The following SCYL2 variants were observed in gnomAD, a reference collection of about 807,000 sequenced individuals.
SCYL2 encodes the protein SCY1 like pseudokinase 2.
Under a neutral mutation model 100.4 loss-of-function variants are expected in SCYL2, and 36 were observed. The ratio of observed to expected loss-of-function variants is 0.36; its 90% CI spans 0.27 to 0.47. The LOEUF is 0.47. Ranked by LOEUF, SCYL2 falls within the 20% of genes least tolerant of loss-of-function variation. SCYL2 has a pLI of 1.00. For synonymous variants in SCYL2, 330 were observed against 359.2 expected (o/e 0.92, Z 0.92); for missense variants, 902 against 1,083.9 (o/e 0.83, Z 2.36).
In SCYL2 at chr12:100,309,106, T is replaced by TTGTGTGTGTG. The variant is rs143410251; in HGVS notation, c.481-1919_481-1910dup. Among the ~76,000 whole-genome samples, 771 of 148,158 alleles carry TTGTGTGTGTG rather than the reference T, an allele frequency of 5.2e-3. 6 individuals are homozygous for TTGTGTGTGTG. Among genetic ancestry groups the TTGTGTGTGTG allele is most frequent in the African/African-American group, 0.017 (678 of 40,318 alleles). ...TCACCTGATTTTTGGGTATTTTGATTTGTGTGTGTGTGTGTGTGTGTGTGT... is the reference window on the plus strand; with the variant it reads ...TCACCTGATTTTTGGGTATTTTGATTTGTGTGTGTGTGTGTGTGTGTGTGTGTGTGTGTGT... On this transcript the variant is annotated intron_variant, in intron 4 of 17. Transcript: ENST00000360820.
intron 13 of SCYL2, among the ~76,000 whole-genome samples, chr12:100,332,236 G>A (rs1463524400): frequency 6.6e-6 from 1 of 152,158 alleles, no homozygotes; most frequent in Non-Finnish European, 1.5e-5. Flanking sequence ...TTTCAATGAG[G>A]TCTGATCAAG....
intron 14 of SCYL2, 21 bp from the exon 15 acceptor site, chr12:100,335,604 C>T: frequency 6.6e-7 from 1 of 1,526,538 alleles, no homozygotes; most frequent in East Asian, 2.3e-5. Flanking sequence ...ATTGTTTTAT[C>T]ATAATTCAAC....
In SCYL2 at chr12:100,341,200, A is replaced by T. The variant is rs1239300154; in HGVS notation, c.*2028A>T. On this transcript the variant is annotated 3_prime_UTR_variant, in exon 18 of 18. Transcript: ENST00000360820. The stretch of plus-strand genomic sequence containing the variant: ...TTTCTACTTCAGGTATTTTATTTCA[A>T]CCATTTCCATCAATTGAACTGTTAC... 3 of 152,070 alleles carry T rather than the reference A, an allele frequency of 2.0e-5. No homozygotes were observed. The highest frequency in any genetic ancestry group is 6.5e-5 in the Admixed American group (1 of 15,272). 9.4% of individuals were successfully genotyped at this position (152,070 alleles called of 1,614,324 possible).
At chr12:100,331,624 G>A (rs899515910) in intron 13 of SCYL2, among the ~76,000 whole-genome samples, 2 of 151,378 alleles carry the variant, frequency 1.3e-5, no homozygotes, top group African/African-American at 4.8e-5. Flanking sequence ...TGTTTGAAAT[G>A]TTGTGTTAAT....
At chr12:100,319,409 A>G (rs2096353088) in intron 10 of SCYL2, 5 of 331,346 alleles carry the variant, frequency 1.5e-5, no homozygotes, top group African/African-American at 1.1e-4. Context: ...AAGAAGAGGG[A>G]GGGGAAGATT....
intron 10 of SCYL2, 56 bp downstream of exon 10, chr12:100,317,981 A>C: frequency 6.8e-7 from 1 of 1,473,264 alleles, no homozygotes. Flanking sequence ...AAAGCAGAAG[A>C]AGAGGTATAA....
intron 9 of SCYL2, 113 bp from the exon 10 acceptor site, chr12:100,317,690 A>G (rs1223035307): frequency 1.4e-6 from 2 of 1,430,802 alleles, no homozygotes; most frequent in Non-Finnish European, 1.8e-6. Context: ...GGCTAGCAAC[A>G]TGGTGAGTGT....
chr12:100,339,241 A>G lies in SCYL2; in HGVS notation c.*69A>G, dbSNP rs1952323160. On this transcript the variant is annotated 3_prime_UTR_variant, in exon 18 of 18. Coordinates refer to ENST00000360820, the MANE Select transcript of SCYL2 (RefSeq NM_017988.6). Reference sequence around the variant, plus strand: ...TGGGTGAGCTGATTTACATCTTTATATAGTTGGCTTGGAGGAAGTACTTCT... The same window carrying G: ...TGGGTGAGCTGATTTACATCTTTATGTAGTTGGCTTGGAGGAAGTACTTCT... 1.4e-6 allele frequency: 2 copies of G among 1,477,352 alleles called. No individual in the cohort carries two copies. Among genetic ancestry groups the G allele is most frequent in the Non-Finnish European group, 1.8e-6 (2 of 1,092,810 alleles). 91.5% of individuals were successfully genotyped at this position (1,477,352 alleles called of 1,614,324 possible). A position where few individuals can be genotyped will look rare whatever the true frequency, so the allele number is the denominator to read the frequency against.
At chr12:100,287,516 A>G (rs1286955690) in intron 2 of SCYL2, among the ~76,000 whole-genome samples, 1 of 152,194 alleles carries the variant, frequency 6.6e-6, no homozygotes. Flanking sequence ...CATACACTGT[A>G]TTGTGACAAA....
At chr12:100,298,586 G>C (rs1566354244) in intron 4 of SCYL2, among the ~76,000 whole-genome samples, 2 of 152,066 alleles carry the variant, frequency 1.3e-5, no homozygotes, top group Non-Finnish European at 2.9e-5. Flanking sequence ...TTTCACTCTT[G>C]TTGCCCAGGC....
At chr12:100,277,296 C>G (rs1318871444) in intron 1 of SCYL2, among the ~76,000 whole-genome samples, 1 of 152,162 alleles carries the variant, frequency 6.6e-6, no homozygotes, top group Non-Finnish European at 1.5e-5. Context: ...CTGTTGAAGT[C>G]TCTGTCCTTA....
intron 12 of SCYL2, among the ~76,000 whole-genome samples, chr12:100,326,979 A>T (rs976229305): frequency 5.3e-5 from 8 of 152,218 alleles, no homozygotes; most frequent in African/African-American, 1.9e-4. Flanking sequence ...TACGAATATC[A>T]TGATAGCATG....
chr12:100,324,265 C>G (rs2096359399), intron 11 of SCYL2, among the ~76,000 whole-genome samples: 1 of 152,110 alleles, frequency 6.6e-6, no homozygotes, highest in Admixed American at 6.5e-5. Flanking sequence ...ATGTCCCCAG[C>G]CTTTTCTCTA....
chr12:100,289,470 G>A (rs985826906), intron 2 of SCYL2, among the ~76,000 whole-genome samples: 6 of 152,180 alleles, frequency 3.9e-5, no homozygotes, highest in African/African-American at 1.4e-4. Flanking sequence ...GTGAGGAATA[G>A]AATAATTCCT....
chr12:100,276,207 C>G (rs1027781956), intron 1 of SCYL2, among the ~76,000 whole-genome samples: 2 of 151,930 alleles, frequency 1.3e-5, no homozygotes. Context: ...TTTGTGTAGA[C>G]TTGGTATGAT....
intron 1 of SCYL2, among the ~76,000 whole-genome samples, chr12:100,270,400 G>A (rs1189401487): frequency 1.3e-5 from 2 of 151,954 alleles, no homozygotes; most frequent in Non-Finnish European, 2.9e-5. Context: ...TGGAAGGCCT[G>A]AATAGTGAGA....
chr12:100,305,317 G>C (rs186179454), intron 4 of SCYL2, among the ~76,000 whole-genome samples: 47 of 152,288 alleles, frequency 3.1e-4, no homozygotes, highest in African/African-American at 9.1e-4. Context: ...TCAGACCACA[G>C]TGCAATCAAA....
At position 100,338,510 on chromosome 12, in the gene SCYL2, TTCTC is replaced by T; in HGVS notation, c.2146-15_2146-12del. The T allele has an allele frequency of 1.3e-6, 2 of 1,518,012 alleles. No individual in the cohort carries two copies. The highest frequency in any genetic ancestry group is 1.8e-6 in the Non-Finnish European group (2 of 1,121,296). The allele number at this position is 1,518,012 out of a possible 1,614,324, so 94.0% of individuals were successfully genotyped here. On this transcript the variant is annotated splice_polypyrimidine_tract_variant and intron_variant, in intron 17 of 17. Transcript: ENST00000360820. The stretch of plus-strand genomic sequence containing the variant: ...TTTATATTTCTTAGAGATAAAGTAA[TTCTC>T]TCATATTTTTCAGACTAAGGACTTG...
At chr12:100,289,328 T>A (rs971098313) in intron 2 of SCYL2, among the ~76,000 whole-genome samples, 1 of 152,202 alleles carries the variant, frequency 6.6e-6, no homozygotes, top group Non-Finnish European at 1.5e-5. Context: ...GACAGAATGA[T>A]GTCTTGGCTA....
Sources: allele counts gnomAD v4.1 joint callset (sites outside exome capture counted in the v4.1 genomes callset), GRCh38; gene constraint gnomAD v4.1.1; transcripts MANE v1.5; gene names NCBI Gene and HGNC (gene_info 2026-07-23, HGNC 2026-07-21).